Variants in TGDS observed in about 807,000 individuals in gnomAD.
The protein encoded by TGDS is TDP-glucose 4,6-dehydratase, also known as UDP-D-glucose 4,6-dehydratase.
TGDS carries 47 observed loss-of-function variants against 52.3 expected under a neutral mutation model. That is an observed-to-expected ratio of 0.90 (90% CI 0.71 to 1.15). The LOEUF (loss-of-function observed/expected upper bound fraction) is 1.15. Among genes scored for constraint, TGDS ranks in the 50% most tolerant of loss-of-function variants. The probability of loss-of-function intolerance (pLI) is 0.00; values close to 1 mark genes in which losing one functional copy is unlikely to be tolerated. For synonymous variants in TGDS, 115 were observed against 136.9 expected (o/e 0.84, Z 1.12); for missense variants, 375 against 418.4 (o/e 0.90, Z 0.90).
In TGDS at chr13:94,594,462, T is replaced by A. The variant is rs548770890; in HGVS notation, c.87-555A>T. 3.3e-5 allele frequency among the ~76,000 whole-genome samples: 5 copies of A among 152,298 alleles called. No homozygotes were observed. In the South Asian group the frequency reaches 1.0e-3, roughly 32 times the overall value. ...CCCAGGCTAATAACAGCTGAAACCA[T>A]TCTGAGTTGGATATCCACAGTGGGT... On this transcript the variant is annotated intron_variant, in intron 1 of 11. Coordinates refer to ENST00000261296, the MANE Select transcript of TGDS (RefSeq NM_014305.4).
At chr13:94,576,490 G>T in intron 10 of TGDS, 79 bp from the exon 11 acceptor site, 1 of 946,688 alleles carries the variant, frequency 1.1e-6, no homozygotes, top group Non-Finnish European at 1.5e-6. Flanking sequence ...ATGTGTTTAT[G>T]CATTTTTACC....
chr13:94,593,724 T>C (rs192373298), intron 2 of TGDS, 117 bp downstream of exon 2: 28 of 771,794 alleles, frequency 3.6e-5, no homozygotes, highest in African/African-American at 7.1e-5. Flanking sequence ...AGCCTCTGAA[T>C]TGCTAAAATG....
At chr13:94,594,583 A>T (rs1000037196) in intron 1 of TGDS, among the ~76,000 whole-genome samples, 2 of 152,190 alleles carry the variant, frequency 1.3e-5, no homozygotes, top group African/African-American at 4.8e-5. Flanking sequence ...TTGGGCTCCC[A>T]GGAGAGGGGA....
intron 11 of TGDS, among the ~76,000 whole-genome samples, chr13:94,575,265 A>G (rs1378751734): frequency 6.8e-6 from 1 of 147,224 alleles, no homozygotes; most frequent in African/African-American, 2.5e-5. Context: ...AGGCACAATG[A>G]GTTGATGTGA....
In TGDS at chr13:94,583,135, A is replaced by G; in HGVS notation, c.415T>C (p.Tyr139His). Residue 139 changes from tyrosine to histidine, a missense_variant, in exon 5 of 12, where the codon TAT becomes CAT. Tyr to His is a moderately conservative substitution (Grantham distance 83). Coordinates refer to ENST00000261296, the MANE Select transcript of TGDS (RefSeq NM_014305.4). The part of the protein sequence containing the change: ...AHEARVEKFI[Y>H]VSTDEVYGGS... Reference sequence around the variant, plus strand: ...CCATATACTTCATCTGTGCTGACATAAATAAACTTCTCCACTCTGGCTTCA... The same window carrying G: ...CCATATACTTCATCTGTGCTGACATGAATAAACTTCTCCACTCTGGCTTCA... The G allele has an allele frequency of 6.2e-7, 1 of 1,613,992 alleles. No individual in the cohort carries two copies. The highest frequency in any genetic ancestry group is 1.1e-5 in the South Asian group (1 of 91,042).
chr13:94,589,403 C>G (rs142281163), intron 4 of TGDS, among the ~76,000 whole-genome samples: 1,633 of 151,316 alleles, frequency 0.011, 38 homozygotes, highest in African/African-American at 0.038. Flanking sequence ...CAAGCTCTGT[C>G]TCCCGGGTTC....
intron 2 of TGDS, 25 bp from the exon 3 acceptor site, chr13:94,592,334 G>C (rs1889230885): frequency 3.8e-6 from 6 of 1,565,396 alleles, no homozygotes; most frequent in Middle Eastern, 3.4e-4. Context: ...GCACAGAAGG[G>C]GCAACACAAA....
chr13:94,581,331 G>A, intron 5 of TGDS, 142 bp from the exon 6 acceptor site: 1 of 515,938 alleles, frequency 1.9e-6, no homozygotes, highest in Non-Finnish European at 3.3e-6. Context: ...TTTTCCCAAG[G>A]ACATGTGGTA....
intron 4 of TGDS, among the ~76,000 whole-genome samples, chr13:94,585,438 C>T (rs887693205): frequency 4.6e-5 from 7 of 151,982 alleles, no homozygotes; most frequent in African/African-American, 1.7e-4. Context: ...ATAATGACTA[C>T]TGACTATATA....
chr13:94,590,811 A>T, intron 4 of TGDS, 42 bp downstream of exon 4: 1 of 1,462,954 alleles, frequency 6.8e-7, no homozygotes, highest in Non-Finnish European at 9.2e-7. Context: ...GAGGGCGGGG[A>T]GAGAACTGCC....
chr13:94,591,863 A>G lies in TGDS; in HGVS notation c.222+378T>C, dbSNP rs148432496. ...AAGTTAAATAGTTTCATTTGACAAT[A>G]ACATTTCCCTTTGCAAATTAATGAA... On this transcript the variant is annotated intron_variant, in intron 3 of 11. Transcript: ENST00000261296. 7.1e-3 allele frequency among the ~76,000 whole-genome samples: 1,083 copies of G among 152,366 alleles called. 9 individuals are homozygous for G. Among genetic ancestry groups the G allele is most frequent in the Middle Eastern group, 0.02 (6 of 294 alleles).
intron 8 of TGDS, 47 bp downstream of exon 8, chr13:94,578,683 C>G (rs1294484358): frequency 1.4e-6 from 2 of 1,409,426 alleles, no homozygotes; most frequent in Non-Finnish European, 2.0e-6. Flanking sequence ...ACCAAATACT[C>G]TAACATACCA....
intron 4 of TGDS, among the ~76,000 whole-genome samples, chr13:94,584,434 T>A (rs1415219367): frequency 6.6e-6 from 1 of 152,158 alleles, no homozygotes; most frequent in Non-Finnish European, 1.5e-5. Context: ...GTTCAGGGTA[T>A]GGAAAAGATG....
At chr13:94,579,594 C>A in intron 7 of TGDS, 1 of 207,284 alleles carries the variant, frequency 4.8e-6, no homozygotes, top group Non-Finnish European at 9.6e-6. Flanking sequence ...TAGAAGTATT[C>A]TATAGTGCTT....
At chr13:94,577,002 G>A (rs1888624381) in intron 10 of TGDS, among the ~76,000 whole-genome samples, 1 of 151,922 alleles carries the variant, frequency 6.6e-6, no homozygotes. Context: ...TCGGGAGGCT[G>A]AGGCAGGAGA....
intron 11 of TGDS, 124 bp from the exon 12 acceptor site, chr13:94,574,976 G>C (rs1473017517): frequency 3.6e-6 from 2 of 561,146 alleles, no homozygotes; most frequent in Non-Finnish European, 6.2e-6. Context: ...AGCAGACAAG[G>C]GCTGACTAAT....
intron 9 of TGDS, 49 bp downstream of exon 9, chr13:94,577,956 C>T: frequency 1.9e-6 from 3 of 1,567,740 alleles, no homozygotes; most frequent in Non-Finnish European, 2.6e-6. Flanking sequence ...CTAATGGTCA[C>T]TGCCACTAAC....
intron 10 of TGDS, among the ~76,000 whole-genome samples, chr13:94,576,760 G>A (rs1888616655): frequency 6.6e-6 from 1 of 152,050 alleles, no homozygotes; most frequent in Non-Finnish European, 1.5e-5. Context: ...CTGTGGGTCA[G>A]GTATTTCATA....
Position 94,592,313 on chromosome 13 carries a change from G to C in TGDS, c.154-4C>G. The stretch of plus-strand genomic sequence containing the variant: ...TCAAGCTTGCACAGTAATCCAGCTT[G>C]AAAGAAGAGAGCACAGAAGGGGCAA... On this transcript the variant is annotated splice_region_variant and splice_polypyrimidine_tract_variant and intron_variant, in intron 2 of 11. Coordinates refer to ENST00000261296, the MANE Select transcript of TGDS (RefSeq NM_014305.4). The C allele has an allele frequency of 6.3e-7, 1 of 1,596,516 alleles. No homozygotes were observed. The highest frequency in any genetic ancestry group is 8.5e-7 in the Non-Finnish European group (1 of 1,175,482).
Sources: allele counts gnomAD v4.1 joint callset (sites outside exome capture counted in the v4.1 genomes callset), GRCh38; gene constraint gnomAD v4.1.1; transcripts MANE v1.5; gene names NCBI Gene and HGNC (gene_info 2026-07-23, HGNC 2026-07-21).